ZNF407: variants seen among roughly 807,000 people sequenced by gnomAD.
ZNF407 encodes zinc finger protein 407.
A neutral mutation model predicts 131.2 loss-of-function variants in ZNF407; 17 were observed. That is an observed-to-expected ratio of 0.13 (90% CI 0.09 to 0.19). The LOEUF is 0.19. Ranked by LOEUF, ZNF407 falls within the 10% of genes least tolerant of loss-of-function variation. The pLI, the probability that ZNF407 is intolerant of heterozygous loss-of-function variation, is 1.00. For missense variants in ZNF407, 2,681 were observed against 2,830.6 expected, an observed-to-expected ratio of 0.95 and a Z score of 1.20; for synonymous variants, 1,156 against 1,062.0, an observed-to-expected ratio of 1.09 and a Z score of -1.72.
intron 4 of ZNF407, among the ~76,000 whole-genome samples, chr18:74,821,066 T>C (rs1970333434): frequency 6.6e-6 from 1 of 152,094 alleles, no homozygotes; most frequent in Non-Finnish European, 1.5e-5. Context: ...TTCAGTTCTG[T>C]GATCGATGCC....
rs1041142607 is a variant in ZNF407, at chr18:74,621,107, A to G, written c.-53-9860A>G. Among the ~76,000 whole-genome samples, 972 of 147,766 alleles carry G rather than the reference A, an allele frequency of 6.6e-3. 12 individuals are homozygous for G. The highest frequency in any genetic ancestry group is 0.023 in the African/African-American group (912 of 40,526). ...AAAACTCGCTCTACTGTATCTCTTTATTATTATTATTTTTTAATGTTTAAT... is the reference window on the plus strand; with the variant it reads ...AAAACTCGCTCTACTGTATCTCTTTGTTATTATTATTTTTTAATGTTTAAT... On this transcript the variant is annotated intron_variant, in intron 1 of 8. Transcript: ENST00000299687.
At chr18:74,797,033 C>T (rs1052968237) in intron 4 of ZNF407, among the ~76,000 whole-genome samples, 1 of 152,022 alleles carries the variant, frequency 6.6e-6, no homozygotes, top group Non-Finnish European at 1.5e-5. Context: ...TAACTGGGGA[C>T]GAGAAGAAGC....
chr18:74,688,239 A>G (rs941314575), intron 3 of ZNF407, among the ~76,000 whole-genome samples: 1 of 152,244 alleles, frequency 6.6e-6, no homozygotes, highest in Admixed American at 6.5e-5. Context: ...CATCTCAGTT[A>G]CACGTTGCAA....
intron 8 of ZNF407, among the ~76,000 whole-genome samples, chr18:75,014,529 C>A (rs1973020341): frequency 6.6e-6 from 1 of 152,086 alleles, no homozygotes; most frequent in Non-Finnish European, 1.5e-5. Context: ...ATATTCTTAA[C>A]CAAATCAGGG....
At chr18:74,669,963 G>A (rs540635) in intron 3 of ZNF407, among the ~76,000 whole-genome samples, 3,358 of 152,272 alleles carry the variant, frequency 0.022, 137 homozygotes, top group African/African-American at 0.076. Flanking sequence ...CCTCTCTGAG[G>A]AGAGCCCATT....
At chr18:74,785,851 G>A (rs1030512154) in intron 4 of ZNF407, among the ~76,000 whole-genome samples, 4 of 151,592 alleles carry the variant, frequency 2.6e-5, no homozygotes, top group Non-Finnish European at 4.4e-5. Flanking sequence ...CATGCACATG[G>A]CCCACATGGC....
chr18:75,034,302 T>TG (rs1244322015), intron 8 of ZNF407, among the ~76,000 whole-genome samples: 2 of 114,068 alleles, frequency 1.8e-5, no homozygotes, highest in African/African-American at 6.8e-5. Flanking sequence ...TGTGTTGGGT[T>TG]TTTTTTTTTT....
rs113845812 is a variant in ZNF407 at position 74,806,104 on chromosome 18, T to G, written c.4877+24602T>G. On this transcript the variant is annotated intron_variant, in intron 4 of 8. Transcript: ENST00000299687. ...TAATACTAAACGAGTAAGATTATAC[T>G]TTGTAGAACTCCAAGCCATCACGTG... Among the ~76,000 whole-genome samples, 222 of 152,346 alleles carry G rather than the reference T, an allele frequency of 1.5e-3. 1 individual carries two copies. The highest frequency in any genetic ancestry group is 5.0e-3 in the African/African-American group (210 of 41,586).
intron 4 of ZNF407, among the ~76,000 whole-genome samples, chr18:74,798,421 A>G (rs1969961986): frequency 6.6e-6 from 1 of 152,188 alleles, no homozygotes; most frequent in African/African-American, 2.4e-5. Flanking sequence ...AGTAGGAAGA[A>G]CATAACCAAT....
intron 3 of ZNF407, among the ~76,000 whole-genome samples, chr18:74,652,102 A>G (rs1985253526): frequency 6.6e-6 from 1 of 152,172 alleles, no homozygotes; most frequent in Admixed American, 6.5e-5. Context: ...CCATTCAAGT[A>G]CAGTATAGTC....
intron 3 of ZNF407, among the ~76,000 whole-genome samples, chr18:74,643,315 G>C (rs1984809409): frequency 6.6e-6 from 1 of 152,010 alleles, no homozygotes; most frequent in South Asian, 2.1e-4. Flanking sequence ...TTCTTCATTA[G>C]CTTTAATTGC....
At chr18:74,696,755 A>C (rs1967367609) in intron 3 of ZNF407, among the ~76,000 whole-genome samples, 1 of 152,172 alleles carries the variant, frequency 6.6e-6, no homozygotes, top group East Asian at 1.9e-4. Flanking sequence ...TGTGGTAGTA[A>C]TATGGAAACT....
At chr18:74,612,597 G>C (rs1420988347) in intron 1 of ZNF407, among the ~76,000 whole-genome samples, 1 of 152,174 alleles carries the variant, frequency 6.6e-6, no homozygotes, top group Non-Finnish European at 1.5e-5. Context: ...TGAAAAAGAA[G>C]ACTGGATTCG....
intron 3 of ZNF407, among the ~76,000 whole-genome samples, chr18:74,646,476 C>G (rs553344903): frequency 4.6e-5 from 7 of 152,084 alleles, no homozygotes; most frequent in African/African-American, 1.7e-4. Context: ...TATATTTTAT[C>G]CATATAATAT....
intron 8 of ZNF407, among the ~76,000 whole-genome samples, chr18:75,004,606 A>G (rs538697445): frequency 3.3e-5 from 5 of 152,326 alleles, no homozygotes; most frequent in African/African-American, 9.6e-5. Flanking sequence ...GATTCATTCA[A>G]TCAGACCCAT....
rs1320277921 is a variant in ZNF407, at chr18:74,865,611, GGCCTTTTGTTGC to G, written c.4878-11585_4878-11574del. Among the ~76,000 whole-genome samples the G allele has an allele frequency of 2.0e-5, 3 of 152,160 alleles. No individual in the cohort carries two copies. The South Asian group carries it at 6.2e-4, about 32-fold the overall frequency. The stretch of plus-strand genomic sequence containing the variant: ...AATAAATGATAATGTTATTCCACAT[GGCCTTTTGTTGC>G]AGGTATTGAAAAATTAGTATAAATG... On this transcript the variant is annotated intron_variant, in intron 4 of 8. Coordinates refer to ENST00000299687, the MANE Select transcript of ZNF407 (RefSeq NM_017757.3).
At chr18:75,010,308 G>A (rs897727770) in intron 8 of ZNF407, among the ~76,000 whole-genome samples, 11 of 152,178 alleles carry the variant, frequency 7.2e-5, no homozygotes, top group African/African-American at 2.7e-4. Context: ...GCCAGGTCGA[G>A]TGTGGGATGT....
intron 3 of ZNF407, among the ~76,000 whole-genome samples, chr18:74,644,282 G>A (rs533914266): frequency 1.3e-5 from 2 of 150,692 alleles, no homozygotes; most frequent in Non-Finnish European, 3.0e-5. Flanking sequence ...TTATATTTAG[G>A]CACTTGATGG....
chr18:74,882,545 G>T (rs988438840), intron 6 of ZNF407, among the ~76,000 whole-genome samples: 2 of 152,210 alleles, frequency 1.3e-5, no homozygotes, highest in Non-Finnish European at 2.9e-5. Context: ...CAAGATCAAT[G>T]CAAGCTAATG....
Sources: allele counts gnomAD v4.1 joint callset (sites outside exome capture counted in the v4.1 genomes callset), GRCh38; gene constraint gnomAD v4.1.1; transcripts MANE v1.5; gene names NCBI Gene and HGNC (gene_info 2026-07-23, HGNC 2026-07-21).